The following SLC22A23 variants were observed in gnomAD, a reference collection of about 807,000 sequenced individuals.
SLC22A23 encodes the protein ion transporter protein.
SLC22A23 carries 26 observed loss-of-function variants against 61.0 expected under a neutral mutation model. The observed-to-expected ratio is 0.43, with a 90% CI of 0.31 to 0.59. The LOEUF (loss-of-function observed/expected upper bound fraction) is 0.59. Among genes scored for constraint, SLC22A23 ranks in the 20% least tolerant of loss-of-function variants. The probability of loss-of-function intolerance (pLI) is 0.11; values close to 1 mark genes in which losing one functional copy is unlikely to be tolerated. For synonymous variants in SLC22A23, 430 were observed against 413.9 expected (o/e 1.04, Z -0.47); for missense variants, 796 against 934.7 (o/e 0.85, Z 1.94).
intron 3 of SLC22A23, among the ~76,000 whole-genome samples, chr6:3,343,383 C>T (rs960543905): frequency 3.9e-5 from 6 of 152,090 alleles, no homozygotes; most frequent in African/African-American, 1.2e-4. Flanking sequence ...GTATCTAGGA[C>T]TTGAATTCAG....
chr6:3,419,582 T>C (rs1414451085), intron 1 of SLC22A23, among the ~76,000 whole-genome samples: 1 of 152,084 alleles, frequency 6.6e-6, no homozygotes, highest in Non-Finnish European at 1.5e-5. Context: ...AAGGGTTGGG[T>C]GGTCTGGGAG....
intron 3 of SLC22A23, among the ~76,000 whole-genome samples, chr6:3,409,339 T>G (rs1769050610): frequency 6.6e-6 from 1 of 152,216 alleles, no homozygotes; most frequent in South Asian, 2.1e-4. Context: ...GAACAAAAAT[T>G]TTAGCTATCT....
chr6:3,445,938 G>T (rs1771874985), intron 1 of SLC22A23, among the ~76,000 whole-genome samples: 1 of 152,104 alleles, frequency 6.6e-6, no homozygotes, highest in African/African-American at 2.4e-5. Context: ...ATGTGGGCAG[G>T]TTTCCATCTT....
chr6:3,357,435 G>A (rs1050853701), intron 3 of SLC22A23, among the ~76,000 whole-genome samples: 1 of 152,196 alleles, frequency 6.6e-6, no homozygotes, highest in Non-Finnish European at 1.5e-5. Flanking sequence ...CAAAGTAGGT[G>A]TGTTCTTCCT....
rs948001138 is a variant in SLC22A23 at position 3,328,149 on chromosome 6, A to C, written c.914-4147T>G. Among the ~76,000 whole-genome samples the C allele has an allele frequency of 2.6e-5, 4 of 151,150 alleles. No individual in the cohort carries two copies. Among genetic ancestry groups the C allele is most frequent in the African/African-American group, 7.3e-5 (3 of 41,012 alleles). ...CCTTAATGAAGAATGCTTACAAGCT[A>C]CTCTTGGCAACTAGATATACTTTGT... On this transcript the variant is annotated intron_variant, in intron 3 of 9. Coordinates refer to ENST00000406686, the MANE Select transcript of SLC22A23 (RefSeq NM_015482.2). This position sits in a 1 kb window ranked among gnomAD's most constrained non-coding sequence, Gnocchi z 5.0.
chr6:3,355,115 A>C (rs1417620505), intron 3 of SLC22A23, among the ~76,000 whole-genome samples: 1 of 151,880 alleles, frequency 6.6e-6, no homozygotes, highest in African/African-American at 2.4e-5. Flanking sequence ...TCAAATCCTT[A>C]TCTTTGGGCT....
chr6:3,326,125 A>G (rs1439794537), intron 3 of SLC22A23, among the ~76,000 whole-genome samples: 1 of 152,258 alleles, frequency 6.6e-6, no homozygotes, highest in Non-Finnish European at 1.5e-5. Context: ...TTTGCGGATG[A>G]GCAGGGAAAA....
intron 4 of SLC22A23, among the ~76,000 whole-genome samples, chr6:3,300,679 T>A (rs776741694): frequency 6.6e-6 from 1 of 152,236 alleles, no homozygotes; most frequent in Non-Finnish European, 1.5e-5. Flanking sequence ...GCAGAAAATT[T>A]TTATTTCAAA....
chr6:3,402,803 C>G (rs538701839), intron 3 of SLC22A23, among the ~76,000 whole-genome samples: 1 of 152,356 alleles, frequency 6.6e-6, no homozygotes, highest in South Asian at 2.1e-4. Context: ...GTACTTGCCT[C>G]TATGTCCTCA....
At chr6:3,388,905 G>T (rs1207121866) in intron 3 of SLC22A23, among the ~76,000 whole-genome samples, 4 of 152,102 alleles carry the variant, frequency 2.6e-5, no homozygotes, top group Non-Finnish European at 5.9e-5. Flanking sequence ...GTTCCCAGGG[G>T]CTGTGGGGAG....
chr6:3,407,275 G>T (rs1341918590), intron 3 of SLC22A23, among the ~76,000 whole-genome samples: 1 of 152,112 alleles, frequency 6.6e-6, no homozygotes, highest in Non-Finnish European at 1.5e-5. Context: ...CATTACCTAG[G>T]CATAAATACT....
At chr6:3,299,302 T>C (rs1027369905) in intron 4 of SLC22A23, among the ~76,000 whole-genome samples, 8 of 152,208 alleles carry the variant, frequency 5.3e-5, no homozygotes, top group African/African-American at 1.4e-4. Context: ...TCACAATAAA[T>C]AGTAATAGAA....
At chr6:3,377,473 G>A (rs972834711) in intron 3 of SLC22A23, among the ~76,000 whole-genome samples, 4 of 152,156 alleles carry the variant, frequency 2.6e-5, no homozygotes, top group Non-Finnish European at 5.9e-5. Flanking sequence ...GGCAGGGGAG[G>A]CCACCCTGCT....
At chr6:3,282,933 T>G (rs1759606737) in intron 9 of SLC22A23, among the ~76,000 whole-genome samples, 2 of 152,110 alleles carry the variant, frequency 1.3e-5, no homozygotes, top group Non-Finnish European at 2.9e-5. Context: ...AAAGCAAAAG[T>G]GGCTGAGCAC....
rs975597645 is a variant in SLC22A23 at position 3,387,259 on chromosome 6, C to G, written c.913+22929G>C. ...TGAGGAAGGTTAGCGTGACCAGTGACAGCTCACGCTGACGTCAGAGCTCCT... is the reference window on the plus strand; with the variant it reads ...TGAGGAAGGTTAGCGTGACCAGTGAGAGCTCACGCTGACGTCAGAGCTCCT... On this transcript the variant is annotated intron_variant, in intron 3 of 9. Coordinates refer to ENST00000406686, the MANE Select transcript of SLC22A23 (RefSeq NM_015482.2). This position sits in a 1 kb window ranked among gnomAD's most constrained non-coding sequence, Gnocchi z 5.0. 6.6e-6 allele frequency among the ~76,000 whole-genome samples: 1 copy of G among 152,246 alleles called. No individual in the cohort carries two copies.
intron 3 of SLC22A23, among the ~76,000 whole-genome samples, chr6:3,337,674 G>A (rs958643375): frequency 6.6e-6 from 1 of 152,136 alleles, no homozygotes; most frequent in Non-Finnish European, 1.5e-5. Flanking sequence ...GGGCCCCACC[G>A]AGGGCAAGGA....
intron 3 of SLC22A23, among the ~76,000 whole-genome samples, chr6:3,345,471 TTC>T (rs772396352): frequency 9.3e-5 from 14 of 151,334 alleles, no homozygotes; most frequent in Non-Finnish European, 4.4e-5. Context: ...GTTCAAGTGA[TTC>T]TCCTGCCTCA....
At chr6:3,385,079 G>C (rs62391764) in intron 3 of SLC22A23, among the ~76,000 whole-genome samples, 2 of 152,198 alleles carry the variant, frequency 1.3e-5, no homozygotes, top group Non-Finnish European at 2.9e-5. Context: ...CAAGGGCTGG[G>C]GAGAGGAGGG....
intron 3 of SLC22A23, among the ~76,000 whole-genome samples, chr6:3,388,614 C>T (rs957791562): frequency 1.3e-5 from 2 of 152,184 alleles, no homozygotes; most frequent in African/African-American, 4.8e-5. Flanking sequence ...AAGTTCATAG[C>T]AGCGTTATTC....
Sources: allele counts gnomAD v4.1 joint callset (sites outside exome capture counted in the v4.1 genomes callset), GRCh38; gene constraint gnomAD v4.1.1; non-coding constraint Gnocchi (gnomAD v3.1); transcripts MANE v1.5; gene names NCBI Gene and HGNC (gene_info 2026-07-23, HGNC 2026-07-21).